The following PABPC4L variants were observed in gnomAD, a reference collection of about 807,000 sequenced individuals.
PABPC4L encodes the protein polyadenylate-binding protein 4-like.
For synonymous variants in PABPC4L, 169 were observed against 164.1 expected, an observed-to-expected ratio of 1.03 and a Z score of -0.23; for missense variants, 452 against 451.4, an observed-to-expected ratio of 1.00 and a Z score of -0.01.
At chr4:134,147,752 T>TG in the PABPC4L span, among the ~76,000 whole-genome samples, 1,855 of 122,288 alleles carry the variant, frequency 0.015, 35 homozygotes, top group African/African-American at 0.05. Context: ...TGTGTGTGTG[T>TG]TGTTGTTGTT....
At chr4:134,081,796 G>T in the PABPC4L span, among the ~76,000 whole-genome samples, 1 of 152,024 alleles carries the variant, frequency 6.6e-6, no homozygotes, top group South Asian at 2.1e-4. Flanking sequence ...TGAATAAAAT[G>T]ACATACAGTT....
chr4:134,138,107 C>G, the PABPC4L span, among the ~76,000 whole-genome samples: 3 of 151,598 alleles, frequency 2.0e-5, no homozygotes, highest in African/African-American at 7.3e-5. Context: ...AAATCTACAT[C>G]TAAAACAGCA....
chr4:134,187,603 T>C, the PABPC4L span, among the ~76,000 whole-genome samples: 1 of 151,816 alleles, frequency 6.6e-6, no homozygotes, highest in Admixed American at 6.6e-5. Context: ...AATGACACTC[T>C]GTTTTCAGGC....
chr4:134,112,606 C>CTATCTATCTATA, the PABPC4L span, among the ~76,000 whole-genome samples: 269 of 145,710 alleles, frequency 1.8e-3, 1 homozygote, highest in African/African-American at 6.8e-3. Flanking sequence ...ATCTATCTAT[C>CTATCTATCTATA]TATCTATCTA....
chr4:134,162,491 A>T, the PABPC4L span, among the ~76,000 whole-genome samples: 1 of 152,058 alleles, frequency 6.6e-6, no homozygotes, highest in Non-Finnish European at 1.5e-5. Flanking sequence ...CACTGGACTT[A>T]AACTGTACTC....
At chr4:133,992,943 A>G in the PABPC4L span, among the ~76,000 whole-genome samples, 1 of 152,018 alleles carries the variant, frequency 6.6e-6, no homozygotes, top group Admixed American at 6.5e-5. Flanking sequence ...TTCTAGTACC[A>G]GGTTGGGTCC....
At chr4:134,048,307 G>A in the PABPC4L span, among the ~76,000 whole-genome samples, 1 of 151,986 alleles carries the variant, frequency 6.6e-6, no homozygotes, top group Admixed American at 6.6e-5. Flanking sequence ...CCATTCAATA[G>A]AACTGTAACC....
chr4:134,101,554 G>T, the PABPC4L span, among the ~76,000 whole-genome samples: 2 of 150,926 alleles, frequency 1.3e-5, no homozygotes, highest in East Asian at 1.9e-4. Flanking sequence ...AAAAAAAAAA[G>T]AATCTTATTT....
the PABPC4L span, among the ~76,000 whole-genome samples, chr4:134,108,874 T>C: frequency 2.0e-5 from 3 of 152,014 alleles, no homozygotes; most frequent in African/African-American, 7.2e-5. Flanking sequence ...TAGGTATTTA[T>C]ATACAACATT....
chr4:134,140,737 T>C, the PABPC4L span, among the ~76,000 whole-genome samples: 3 of 151,824 alleles, frequency 2.0e-5, 1 homozygote, highest in Non-Finnish European at 4.4e-5. Context: ...TGCTCCTATT[T>C]GTAAAGATAT....
the PABPC4L span, among the ~76,000 whole-genome samples, chr4:134,123,518 G>A: frequency 6.6e-6 from 1 of 152,040 alleles, no homozygotes; most frequent in Non-Finnish European, 1.5e-5. Flanking sequence ...AAAGTGCCAT[G>A]AGCATCGATT....
chr4:134,025,870 A>AT, the PABPC4L span, among the ~76,000 whole-genome samples: 14 of 152,136 alleles, frequency 9.2e-5, no homozygotes, highest in African/African-American at 2.6e-4. Context: ...TTCTAACATA[A>AT]TTTTTTTACC....
At chr4:133,987,652 G>C in the PABPC4L span, among the ~76,000 whole-genome samples, 1 of 152,052 alleles carries the variant, frequency 6.6e-6, no homozygotes, top group Non-Finnish European at 1.5e-5. Context: ...GTCTTAAAAA[G>C]AATACAAACA....
At chr4:134,184,999 A>G in the PABPC4L span, among the ~76,000 whole-genome samples, 1 of 151,890 alleles carries the variant, frequency 6.6e-6, no homozygotes, top group Non-Finnish European at 1.5e-5. Flanking sequence ...TCTTCTGCCT[A>G]TTTTTTAAAT....
the PABPC4L span, among the ~76,000 whole-genome samples, chr4:134,124,057 C>T: frequency 6.6e-6 from 1 of 152,022 alleles, no homozygotes; most frequent in African/African-American, 2.4e-5. Flanking sequence ...GGATTGAACG[C>T]AATCAGAAAT....
chr4:133,990,975 A>G, the PABPC4L span, among the ~76,000 whole-genome samples: 2 of 151,876 alleles, frequency 1.3e-5, no homozygotes, highest in African/African-American at 4.8e-5. Context: ...CACCCTGACC[A>G]ATCTCCTTCA....
the PABPC4L span, among the ~76,000 whole-genome samples, chr4:133,970,209 G>A: frequency 0.01 from 1,522 of 151,520 alleles, 28 homozygotes; most frequent in African/African-American, 0.035. Flanking sequence ...GTCCTCCTTC[G>A]ACAAAAGTGA....
chr4:133,995,864 A>C, the PABPC4L span, among the ~76,000 whole-genome samples: 1 of 152,136 alleles, frequency 6.6e-6, no homozygotes, highest in Non-Finnish European at 1.5e-5. Flanking sequence ...GACCAGTCCC[A>C]TGTGGGTATA....
chr4:134,038,381 A>G, the PABPC4L span, among the ~76,000 whole-genome samples: 1 of 152,160 alleles, frequency 6.6e-6, no homozygotes, highest in African/African-American at 2.4e-5. Flanking sequence ...TGTTTTGAAT[A>G]GTTTCAGGAG....
Sources: gnomAD v4.1 joint callset for allele counts (sites outside exome capture counted in the v4.1 genomes callset) on GRCh38, gnomAD v4.1.1 for gene constraint, MANE v1.5 for transcripts, NCBI Gene and HGNC (gene_info 2026-07-23, HGNC 2026-07-21) for gene names.